The following FGD4 variants were observed in gnomAD, a reference collection of about 807,000 sequenced individuals.
FGD4 encodes the protein FYVE, RhoGEF and PH domain-containing protein 4.
In FGD4, 42 loss-of-function variants were observed where a neutral mutation model predicts 102.0. The observed-to-expected ratio is 0.41, with a 90% CI of 0.32 to 0.53. FGD4 has a LOEUF of 0.53. FGD4 is among the 20% of genes least tolerant of loss of function. FGD4 has a pLI of 0.21. For missense variants in FGD4, 902 were observed against 1,078.2 expected (o/e 0.84, Z 2.29); for synonymous variants, 380 against 375.7 (o/e 1.01, Z -0.13).
At chr12:32,578,079 C>A (rs1266345299) in intron 3 of FGD4, among the ~76,000 whole-genome samples, 1 of 152,068 alleles carries the variant, frequency 6.6e-6, no homozygotes, top group Non-Finnish European at 1.5e-5. Flanking sequence ...AAATTCAATC[C>A]TGTTTTGATG....
chr12:32,554,694 T>C (rs919791372), intron 1 of FGD4, among the ~76,000 whole-genome samples: 9 of 152,066 alleles, frequency 5.9e-5, no homozygotes, highest in Admixed American at 3.9e-4. Context: ...AACTAAATAG[T>C]GTGGTCAGGG....
At chr12:32,442,397 T>C (rs745991232) in intron 1 of FGD4, among the ~76,000 whole-genome samples, 2 of 152,082 alleles carry the variant, frequency 1.3e-5, no homozygotes, top group Non-Finnish European at 2.9e-5. Flanking sequence ...CACTGTGATA[T>C]GAAGTTAAAA....
At chr12:32,550,008 C>T (rs932886348) in intron 1 of FGD4, among the ~76,000 whole-genome samples, 5 of 152,170 alleles carry the variant, frequency 3.3e-5, no homozygotes, top group Non-Finnish European at 7.3e-5. Flanking sequence ...TGGGCTGATG[C>T]CTTTGCTTCC....
At chr12:32,619,524 C>T (rs1295462151) in intron 10 of FGD4, among the ~76,000 whole-genome samples, 174 bp from the exon 11 acceptor site, 1 of 151,616 alleles carries the variant, frequency 6.6e-6, no homozygotes, top group African/African-American at 2.4e-5. Context: ...CCCAGCTACC[C>T]GGGAGGCTGA....
intron 1 of FGD4, among the ~76,000 whole-genome samples, chr12:32,495,040 CT>C (rs1171404901): frequency 6.6e-6 from 1 of 152,116 alleles, no homozygotes; most frequent in African/African-American, 2.4e-5. Context: ...GTCATTCTGT[CT>C]TCACAGAATT....
chr12:32,425,212 A>C (rs1189345441), intron 1 of FGD4, among the ~76,000 whole-genome samples: 1 of 152,144 alleles, frequency 6.6e-6, no homozygotes, highest in Non-Finnish European at 1.5e-5. Flanking sequence ...TAGGTCTTAC[A>C]TTTAAGTTTT....
chr12:32,589,479 A>G (rs957851253), intron 4 of FGD4, among the ~76,000 whole-genome samples: 5 of 152,236 alleles, frequency 3.3e-5, no homozygotes, highest in Non-Finnish European at 2.9e-5. Context: ...GCGTTTATAA[A>G]TGACTGAGAT....
intron 1 of FGD4, among the ~76,000 whole-genome samples, chr12:32,492,971 T>C (rs1474896635): frequency 6.6e-6 from 1 of 152,140 alleles, no homozygotes; most frequent in Non-Finnish European, 1.5e-5. Context: ...GAGAATGTAG[T>C]TGGATGCTTA....
In FGD4 at chr12:32,633,707, T is replaced by G. The variant is rs757561600; in HGVS notation, c.2313+18T>G. 6.3e-7 allele frequency: 1 copy of G among 1,575,954 alleles called. No homozygotes were observed. Among genetic ancestry groups the G allele is most frequent in the East Asian group, 2.2e-5 (1 of 44,488 alleles). On this transcript the variant is annotated intron_variant, in intron 15 of 16. Transcript: ENST00000534526. Reference sequence around the variant, plus strand: ...TTTTAGAGGTAAGAAATATTAAATATTGGATATCTTTTAGATTATTTTTTT... The same window carrying G: ...TTTTAGAGGTAAGAAATATTAAATAGTGGATATCTTTTAGATTATTTTTTT...
At chr12:32,476,587 G>A (rs948198135) in intron 1 of FGD4, among the ~76,000 whole-genome samples, 1 of 152,192 alleles carries the variant, frequency 6.6e-6, no homozygotes, top group Non-Finnish European at 1.5e-5. Context: ...CAAAAAGCAG[G>A]AAGCAGAAGT....
chr12:32,634,523 G>A (rs909364574), intron 15 of FGD4, among the ~76,000 whole-genome samples: 1 of 151,672 alleles, frequency 6.6e-6, no homozygotes, highest in African/African-American at 2.4e-5. Context: ...GAACTATAAC[G>A]CAGCTTATCT....
chr12:32,424,730 C>A (rs1162491481), intron 1 of FGD4, among the ~76,000 whole-genome samples: 1 of 152,324 alleles, frequency 6.6e-6, no homozygotes, highest in African/African-American at 2.4e-5. Context: ...TCTCCAGCAT[C>A]TGTTGTTTCC....
intron 1 of FGD4, among the ~76,000 whole-genome samples, chr12:32,421,504 C>G (rs1013490447): frequency 2.0e-5 from 3 of 152,160 alleles, no homozygotes; most frequent in Non-Finnish European, 2.9e-5. Flanking sequence ...CTGAAAGCCC[C>G]CAGAATGCTT....
At chr12:32,620,191 C>A (rs12314101) in intron 11 of FGD4, among the ~76,000 whole-genome samples, 22,806 of 152,126 alleles carry the variant, frequency 0.15, 1,937 homozygotes, top group Middle Eastern at 0.26. Context: ...CTCTCCTAAT[C>A]CTATGTTCAC....
At chr12:32,486,248 C>T (rs1008710985) in intron 1 of FGD4, 1 of 1,075,358 alleles carries the variant, frequency 9.3e-7, no homozygotes. Flanking sequence ...TGGTATTTCT[C>T]TTTGTTTACT....
intron 1 of FGD4, among the ~76,000 whole-genome samples, chr12:32,496,576 A>G (rs1937831641): frequency 2.0e-5 from 3 of 152,222 alleles, no homozygotes; most frequent in Non-Finnish European, 4.4e-5. Flanking sequence ...TCTCATTTAT[A>G]GAACATTGTT....
intron 1 of FGD4, among the ~76,000 whole-genome samples, chr12:32,488,175 GAA>G (rs79163316): frequency 5.9e-5 from 8 of 135,460 alleles, no homozygotes; most frequent in African/African-American, 1.3e-4. Context: ...TCAGCCACAG[GAA>G]AAAAAAAAAA....
At chr12:32,568,693 T>A (rs1039386191) in intron 2 of FGD4, among the ~76,000 whole-genome samples, 1 of 152,232 alleles carries the variant, frequency 6.6e-6, no homozygotes, top group Non-Finnish European at 1.5e-5. Context: ...TTAAACCTAT[T>A]CATTTGCTTC....
At chr12:32,561,081 T>TTTTTTG (rs1944531290) in intron 1 of FGD4, among the ~76,000 whole-genome samples, 1 of 114,678 alleles carries the variant, frequency 8.7e-6, no homozygotes, top group South Asian at 3.5e-4. Flanking sequence ...TTTTGTTTTT[T>TTTTTTG]TTTTTTTTTT....
Sources: allele counts gnomAD v4.1 joint callset (sites outside exome capture counted in the v4.1 genomes callset), GRCh38; gene constraint gnomAD v4.1.1; transcripts MANE v1.5; gene names NCBI Gene and HGNC (gene_info 2026-07-23, HGNC 2026-07-21).